Variants in CDIN1 observed in about 807,000 individuals in gnomAD.
CDIN1 encodes CDAN1 interacting nuclease 1.
In CDIN1, 33 loss-of-function variants were observed where a neutral mutation model predicts 45.3. The observed-to-expected ratio is 0.73, with a 90% CI of 0.55 to 0.97. The LOEUF (loss-of-function observed/expected upper bound fraction) is 0.97. Among genes scored for constraint, CDIN1 ranks in the 50% least tolerant of loss-of-function variants. The pLI is 0.00. For synonymous variants in CDIN1, 118 were observed against 124.4 expected (o/e 0.95, Z 0.34); for missense variants, 303 against 339.4 (o/e 0.89, Z 0.84).
chr15:36,768,378 A>G (rs945147292), intron 10 of CDIN1, among the ~76,000 whole-genome samples: 18 of 152,170 alleles, frequency 1.2e-4, no homozygotes, highest in Non-Finnish European at 1.8e-4. Flanking sequence ...TAAATAATCC[A>G]GTGCCAACAC....
At chr15:36,735,631 TA>T (rs1298753971) in intron 10 of CDIN1, among the ~76,000 whole-genome samples, 1 of 152,158 alleles carries the variant, frequency 6.6e-6, no homozygotes, top group Non-Finnish European at 1.5e-5. Flanking sequence ...TTTTAAAATT[TA>T]AAGTTGATCT....
chr15:36,770,463 A>ATTT (rs1271022748), intron 10 of CDIN1, among the ~76,000 whole-genome samples: 7 of 151,754 alleles, frequency 4.6e-5, no homozygotes, highest in African/African-American at 1.5e-4. Flanking sequence ...TATTATTATT[A>ATTT]TTGGAGATAG....
intron 7 of CDIN1, chr15:36,696,481 T>C (rs1049430680): frequency 1.3e-5 from 2 of 152,356 alleles, no homozygotes; most frequent in Admixed American, 1.3e-4. Flanking sequence ...TCTCTAAGAT[T>C]AGGAATTCTT....
intron 2 of CDIN1, among the ~76,000 whole-genome samples, chr15:36,644,570 C>A (rs1434017639): frequency 1.3e-5 from 2 of 152,028 alleles, no homozygotes; most frequent in Non-Finnish European, 2.9e-5. Context: ...ATTATTCTGA[C>A]AATAATAATT....
rs1466792454 is a variant in CDIN1, at chr15:36,645,969, CT to C, written c.212+683del. 5.3e-5 allele frequency among the ~76,000 whole-genome samples: 8 copies of C among 152,190 alleles called. No homozygotes were observed. The South Asian group carries it at 8.3e-4, about 16-fold the overall frequency. On this transcript the variant is annotated intron_variant, in intron 3 of 10. Coordinates refer to ENST00000566621, the MANE Select transcript of CDIN1 (RefSeq NM_001321759.2). The stretch of plus-strand genomic sequence containing the variant: ...TTCTGAAACAATATTTAAAATAGCT[CT>C]GTTTTTTTATTTTAAAATTTGTATT...
At chr15:36,637,906 T>C (rs535961618) in intron 1 of CDIN1, among the ~76,000 whole-genome samples, 24 of 152,020 alleles carry the variant, frequency 1.6e-4, no homozygotes, top group Non-Finnish European at 7.4e-5. Flanking sequence ...ATTTGGGTGG[T>C]AAAACTATCA....
At chr15:36,721,415 T>C (rs963058746) in intron 10 of CDIN1, among the ~76,000 whole-genome samples, 5 of 152,334 alleles carry the variant, frequency 3.3e-5, no homozygotes, top group Non-Finnish European at 7.4e-5. Flanking sequence ...TTTCTACTTT[T>C]GATTTCTTCT....
At chr15:36,780,393 A>T (rs1221287521) in intron 10 of CDIN1, among the ~76,000 whole-genome samples, 1 of 152,196 alleles carries the variant, frequency 6.6e-6, no homozygotes, top group Non-Finnish European at 1.5e-5. Flanking sequence ...AAATTGTTTT[A>T]AATTGATGTT....
Position 36,774,163 on chromosome 15 carries a change from T to TGTGTGTGTGTGTGTGC in CDIN1, c.717-34160_717-34159insTGTGTGTGTGTGTGCG, listed in dbSNP as rs149222188. On this transcript the variant is annotated intron_variant, in intron 10 of 10. Coordinates refer to ENST00000566621, the MANE Select transcript of CDIN1 (RefSeq NM_001321759.2). ...GTGTGTGTGTGTGTGTGTGTGTGTG[T>TGTGTGTGTGTGTGTGC]GCGCGCGCGCGCATGCATGAGGGGA... Among the ~76,000 whole-genome samples, 85 of 143,152 alleles carry TGTGTGTGTGTGTGTGC rather than the reference T, an allele frequency of 5.9e-4. 2 individuals carry two copies. The highest frequency in any genetic ancestry group is 2.0e-3 in the African/African-American group (74 of 37,740). 93.9% of individuals were successfully genotyped at this position (143,152 alleles called of 152,430 possible).
intron 10 of CDIN1, among the ~76,000 whole-genome samples, chr15:36,795,058 G>A (rs901430833): frequency 1.3e-5 from 2 of 152,092 alleles, no homozygotes; most frequent in African/African-American, 2.4e-5. Flanking sequence ...ACATGTTTTC[G>A]TTCATATATC....
intron 1 of CDIN1, among the ~76,000 whole-genome samples, chr15:36,584,755 T>C (rs2037213932): frequency 6.6e-6 from 1 of 152,100 alleles, no homozygotes; most frequent in African/African-American, 2.4e-5. Flanking sequence ...TGCAGACACG[T>C]ACATCATTGA....
chr15:36,792,566 G>T (rs980987288), intron 10 of CDIN1, among the ~76,000 whole-genome samples: 3 of 142,790 alleles, frequency 2.1e-5, no homozygotes, highest in Non-Finnish European at 4.6e-5. Flanking sequence ...TTTTTTGAAT[G>T]ACAGTCTTTT....
chr15:36,758,718 T>C (rs1392623386), intron 10 of CDIN1, among the ~76,000 whole-genome samples: 1 of 152,192 alleles, frequency 6.6e-6, no homozygotes, highest in Admixed American at 6.5e-5. Context: ...TTTAATGTTG[T>C]CTGAAGAAGA....
intron 5 of CDIN1, among the ~76,000 whole-genome samples, chr15:36,659,253 ATTTATC>A (rs879907953): frequency 6.6e-6 from 1 of 152,214 alleles, no homozygotes; most frequent in Non-Finnish European, 1.5e-5. Context: ...GTAGCCATTA[ATTTATC>A]TTTATAACAC....
intron 10 of CDIN1, among the ~76,000 whole-genome samples, chr15:36,741,798 G>C (rs936109831): frequency 4.1e-4 from 63 of 152,202 alleles, no homozygotes; most frequent in African/African-American, 1.3e-3. Context: ...ACACCCTAAT[G>C]ACCTCATTGT....
At chr15:36,627,346 C>G (rs2039478695) in intron 1 of CDIN1, 1 of 159,922 alleles carries the variant, frequency 6.3e-6, no homozygotes, top group Non-Finnish European at 1.4e-5. Context: ...GATTCAAGGA[C>G]TTGAGTCTGA....
chr15:36,782,629 G>A (rs2054382046), intron 10 of CDIN1, among the ~76,000 whole-genome samples: 1 of 151,838 alleles, frequency 6.6e-6, no homozygotes, highest in Admixed American at 6.6e-5. Flanking sequence ...TACAGAAGGT[G>A]TTTTCATGAG....
At chr15:36,770,389 G>C (rs1033341675) in intron 10 of CDIN1, among the ~76,000 whole-genome samples, 1 of 151,276 alleles carries the variant, frequency 6.6e-6, no homozygotes, top group African/African-American at 2.4e-5. Context: ...GGGAGAGGGA[G>C]AATTCAATCT....
At chr15:36,764,925 A>G (rs1166238953) in intron 10 of CDIN1, among the ~76,000 whole-genome samples, 1 of 152,168 alleles carries the variant, frequency 6.6e-6, no homozygotes, top group Non-Finnish European at 1.5e-5. Context: ...AGGGCATGAG[A>G]GGAAACTATA....
Sources: allele counts gnomAD v4.1 joint callset (sites outside exome capture counted in the v4.1 genomes callset), GRCh38; gene constraint gnomAD v4.1.1; transcripts MANE v1.5; gene names NCBI Gene and HGNC (gene_info 2026-07-23, HGNC 2026-07-21).